KSR2: variants seen among roughly 807,000 people sequenced by gnomAD.
KSR2 encodes the protein kinase suppressor of ras 2.
In KSR2, 25 loss-of-function variants were observed where a neutral mutation model predicts 107.8. That is an observed-to-expected ratio of 0.23 (90% confidence interval 0.17 to 0.32). The LOEUF (loss-of-function observed/expected upper bound fraction) is 0.32. Among genes scored for constraint, KSR2 ranks in the 10% least tolerant of loss-of-function variants. The pLI is 1.00. For synonymous variants in KSR2, 480 were observed against 507.0 expected (o/e 0.95, Z 0.71); for missense variants, 887 against 1,268.9 (o/e 0.70, Z 4.57).
At chr12:117,692,060 G>A (rs1028780485) in intron 4 of KSR2, among the ~76,000 whole-genome samples, 7 of 152,110 alleles carry the variant, frequency 4.6e-5, no homozygotes, top group African/African-American at 1.7e-4. Context: ...GGCTGGTAGA[G>A]GCTTAAGGGA....
intron 3 of KSR2, among the ~76,000 whole-genome samples, chr12:117,784,064 C>T (rs974784419): frequency 6.6e-5 from 10 of 152,110 alleles, no homozygotes; most frequent in African/African-American, 1.4e-4. Context: ...ACTTTTGTTA[C>T]GGATTCATGG....
intron 14 of KSR2, among the ~76,000 whole-genome samples, chr12:117,503,807 A>G (rs1191816721): frequency 6.6e-6 from 1 of 152,218 alleles, no homozygotes; most frequent in African/African-American, 2.4e-5. Flanking sequence ...GAGTGAGGCC[A>G]TGAGAAAAGA....
intron 3 of KSR2, among the ~76,000 whole-genome samples, chr12:117,800,197 G>A (rs773686429): frequency 6.6e-5 from 10 of 152,212 alleles, no homozygotes; most frequent in Non-Finnish European, 2.9e-5. Context: ...AAGGGCAGAA[G>A]CCGGAGGGGT....
chr12:117,759,830 G>A (rs1011412580), intron 4 of KSR2, among the ~76,000 whole-genome samples: 10 of 152,162 alleles, frequency 6.6e-5, no homozygotes, highest in Non-Finnish European at 1.2e-4. Context: ...CTCCCAGGTC[G>A]GGCATGATGG....
chr12:117,879,027 TGC>T (rs1161962400), intron 1 of KSR2, among the ~76,000 whole-genome samples: 1 of 152,074 alleles, frequency 6.6e-6, no homozygotes, highest in Non-Finnish European at 1.5e-5. Flanking sequence ...CTGGTCATTA[TGC>T]GACCTCAGGC....
At chr12:117,482,055 C>T (rs1007500972) in intron 16 of KSR2, among the ~76,000 whole-genome samples, 1 of 152,084 alleles carries the variant, frequency 6.6e-6, no homozygotes, top group Admixed American at 6.5e-5. Flanking sequence ...CCCAGAGTTC[C>T]ACCTCCCTGT....
intron 1 of KSR2, among the ~76,000 whole-genome samples, chr12:117,866,632 C>T (rs2137268488): frequency 6.6e-6 from 1 of 152,140 alleles, no homozygotes; most frequent in East Asian, 2.0e-4. Flanking sequence ...GAGTTTGAGA[C>T]CAGCCTGACC....
intron 3 of KSR2, among the ~76,000 whole-genome samples, chr12:117,761,986 T>A (rs1476853647): frequency 1.3e-5 from 2 of 152,186 alleles, no homozygotes; most frequent in Non-Finnish European, 2.9e-5. Flanking sequence ...ACATCATAAG[T>A]ACATTTACAT....
intron 3 of KSR2, among the ~76,000 whole-genome samples, chr12:117,800,069 G>A (rs549863272): frequency 9.9e-5 from 15 of 152,260 alleles, no homozygotes; most frequent in African/African-American, 3.4e-4. Flanking sequence ...TCCAAGGTTG[G>A]GTACATAAGA....
intron 5 of KSR2, among the ~76,000 whole-genome samples, chr12:117,635,202 A>G (rs1883009829): frequency 6.6e-6 from 1 of 152,198 alleles, no homozygotes; most frequent in Admixed American, 6.5e-5. Flanking sequence ...TCTTCCCCAC[A>G]GCCAGACTTT....
chr12:117,718,003 C>T (rs1304846971), intron 4 of KSR2, among the ~76,000 whole-genome samples: 1 of 152,146 alleles, frequency 6.6e-6, no homozygotes, highest in East Asian at 1.9e-4. Flanking sequence ...GTGTAAGCAC[C>T]TAGATCCAAC....
intron 1 of KSR2, among the ~76,000 whole-genome samples, chr12:117,880,946 A>T (rs1894006459): frequency 6.7e-6 from 1 of 150,352 alleles, no homozygotes; most frequent in Non-Finnish European, 1.5e-5. Context: ...CTGGGATTAC[A>T]GGCGTGAGCC....
At chr12:117,947,200 GAAAGA>G (rs752459705) in intron 1 of KSR2, among the ~76,000 whole-genome samples, 1,189 of 59,218 alleles carry the variant, frequency 0.02, 10 homozygotes, top group African/African-American at 0.035. Context: ...AGAAAGAAAA[GAAAGA>G]AAAGAAAGAA....
intron 4 of KSR2, among the ~76,000 whole-genome samples, chr12:117,729,389 A>G (rs547846369): frequency 3.3e-5 from 5 of 152,294 alleles, no homozygotes; most frequent in African/African-American, 1.2e-4. Flanking sequence ...AGTAATGTTC[A>G]GAGTCTAAAT....
intron 5 of KSR2, among the ~76,000 whole-genome samples, chr12:117,645,945 G>A (rs916494872): frequency 3.3e-5 from 5 of 150,366 alleles, no homozygotes; most frequent in African/African-American, 1.2e-4. Context: ...ATAGGGGGTT[G>A]GTTCCAGGAC....
At chr12:117,608,473 C>T (rs1881412347) in intron 5 of KSR2, among the ~76,000 whole-genome samples, 1 of 152,126 alleles carries the variant, frequency 6.6e-6, no homozygotes, top group Non-Finnish European at 1.5e-5. Context: ...GAAACTTGCT[C>T]CAGAATGCAG....
intron 1 of KSR2, among the ~76,000 whole-genome samples, chr12:117,939,747 G>A (rs747977344): frequency 6.7e-6 from 1 of 149,638 alleles, no homozygotes; most frequent in Non-Finnish European, 1.5e-5. Flanking sequence ...GATGTGAAAC[G>A]TGGCCAATGT....
intron 5 of KSR2, among the ~76,000 whole-genome samples, chr12:117,625,740 C>T (rs9830647): frequency 1.3e-5 from 2 of 152,186 alleles, no homozygotes; most frequent in African/African-American, 4.8e-5. Flanking sequence ...GGAGGATTCC[C>T]TCTTTTTCTA....
At chr12:117,490,006 C>A (rs557097370) in intron 14 of KSR2, among the ~76,000 whole-genome samples, 1 of 152,296 alleles carries the variant, frequency 6.6e-6, no homozygotes, top group East Asian at 1.9e-4. Context: ...GTGCTTAGGA[C>A]CTATATCACC....
Sources: allele counts gnomAD v4.1 joint callset (sites outside exome capture counted in the v4.1 genomes callset), GRCh38; gene constraint gnomAD v4.1.1; transcripts MANE v1.5; gene names NCBI Gene and HGNC (gene_info 2026-07-23, HGNC 2026-07-21).